The following PLSCR4 variants were observed in gnomAD, a reference collection of about 807,000 sequenced individuals.
PLSCR4 encodes the protein phospholipid scramblase 4, also known as Ca(2+)-dependent phospholipid scramblase 4.
PLSCR4 carries 25 observed loss-of-function variants against 36.3 expected under a neutral mutation model. That is an observed-to-expected ratio of 0.69 (90% CI 0.50 to 0.96). PLSCR4 has a LOEUF of 0.96. Among genes scored for constraint, PLSCR4 ranks in the 40% least tolerant of loss-of-function variants. The pLI is 0.00. For synonymous variants in PLSCR4, 122 were observed against 132.9 expected (o/e 0.92, Z 0.56); for missense variants, 408 against 414.7 (o/e 0.98, Z 0.14).
intron 1 of PLSCR4, among the ~76,000 whole-genome samples, chr3:146,242,473 A>G (rs951797910): frequency 3.3e-5 from 5 of 149,660 alleles, no homozygotes; most frequent in Non-Finnish European, 7.5e-5. Flanking sequence ...TTCTGATTTG[A>G]GCTGAGTTTG....
Position 146,228,879 on chromosome 3 carries a change from T to C in PLSCR4, c.-21-6787A>G, listed in dbSNP as rs2035583548. On this transcript the variant is annotated intron_variant, in intron 1 of 8. Transcript: ENST00000354952. ...AAGTCTTTATGAAATTAAATAAAAA[T>C]ATAAATATTCTTTAAATGTTTAAAT... Among the ~76,000 whole-genome samples, 4 of 152,064 alleles carry C rather than the reference T, an allele frequency of 2.6e-5. No individual in the cohort carries two copies. The South Asian group carries it at 8.3e-4, about 31-fold the overall frequency.
chr3:146,219,429 T>A (rs549414330), intron 3 of PLSCR4, among the ~76,000 whole-genome samples: 1 of 152,184 alleles, frequency 6.6e-6, no homozygotes, highest in Non-Finnish European at 1.5e-5. Context: ...AAAGCATGAT[T>A]ATAATTTAAT....
At chr3:146,219,376 C>G (rs3804650) in intron 3 of PLSCR4, among the ~76,000 whole-genome samples, 49,295 of 151,952 alleles carry the variant, frequency 0.32, 8,667 homozygotes, top group South Asian at 0.45. Flanking sequence ...TCTTGTATAT[C>G]ATGTTGGAAG....
intron 3 of PLSCR4, among the ~76,000 whole-genome samples, chr3:146,209,099 G>A (rs2034489915): frequency 6.6e-6 from 1 of 152,050 alleles, no homozygotes; most frequent in East Asian, 1.9e-4. Flanking sequence ...ATGAATTAAT[G>A]GCATTCACAG....
Position 146,206,507 on chromosome 3 carries a change from T to C in PLSCR4, c.354+19A>G. 1 of 1,534,116 alleles carries C rather than the reference T, an allele frequency of 6.5e-7. No homozygotes were observed. The highest frequency in any genetic ancestry group is 9.0e-7 in the Non-Finnish European group (1 of 1,107,538). The stretch of plus-strand genomic sequence containing the variant: ...TGGTCACATTTCATAAGAAAATAAT[T>C]TGTATTTTCATGGAGTACCTGAACT... On this transcript the variant is annotated intron_variant, in intron 4 of 8. Coordinates refer to ENST00000354952, the MANE Select transcript of PLSCR4 (RefSeq NM_020353.3).
At position 146,193,593 on chromosome 3, in the gene PLSCR4, T is replaced by C. The variant is rs2033532970; in HGVS notation, c.*818A>G. On this transcript the variant is annotated 3_prime_UTR_variant, in exon 9 of 9. Coordinates refer to ENST00000354952, the MANE Select transcript of PLSCR4 (RefSeq NM_020353.3). ...ACCAAGAGACGTTATGAATTAAATGTACAAATGTATTATGTATAAATGTAT... is the reference window on the plus strand; with the variant it reads ...ACCAAGAGACGTTATGAATTAAATGCACAAATGTATTATGTATAAATGTAT... 1 of 152,224 alleles carries C rather than the reference T, an allele frequency of 6.6e-6. No individual in the cohort carries two copies. The highest frequency in any genetic ancestry group is 1.5e-5 in the Non-Finnish European group (1 of 68,034). 9.4% of individuals were successfully genotyped at this position (152,224 alleles called of 1,614,324 possible). A position where few individuals can be genotyped will look rare whatever the true frequency, so the allele number is the denominator to read the frequency against.
In PLSCR4 at chr3:146,214,414, C is replaced by T. The variant is rs1411012139; in HGVS notation, c.118+6401G>A. 3.1e-4 allele frequency among the ~76,000 whole-genome samples: 3 copies of T among 9,532 alleles called. 1 individual carries two copies. The highest frequency in any genetic ancestry group is 9.2e-4 in the Non-Finnish European group (3 of 3,254). 6.3% of individuals were successfully genotyped at this position (9,532 alleles called of 152,430 possible). A position where few individuals can be genotyped will look rare whatever the true frequency, so the allele number is the denominator to read the frequency against. On this transcript the variant is annotated intron_variant, in intron 3 of 8. Transcript: ENST00000354952. ...CTGGGATTACAGGCGTGAGCCACCG[C>T]GCCCGGCCCTCTTCCTTTTTTTTTA...
intron 3 of PLSCR4, 117 bp downstream of exon 3, chr3:146,220,698 A>G (rs1351066147): frequency 1.4e-6 from 1 of 690,512 alleles, no homozygotes; most frequent in Non-Finnish European, 2.6e-6. Flanking sequence ...CCCTATTGGC[A>G]TCCAATATTT....
At chr3:146,204,138 G>A (rs1005810210) in intron 4 of PLSCR4, among the ~76,000 whole-genome samples, 3 of 151,984 alleles carry the variant, frequency 2.0e-5, no homozygotes, top group Admixed American at 6.6e-5. Flanking sequence ...TTAAGGGGTA[G>A]TTCTTTGACA....
Position 146,211,205 on chromosome 3 carries a change from C to G in PLSCR4, c.119-4444G>C, listed in dbSNP as rs1197021920. ...GAGAGTTCTACTTTCTCCACATCCT[C>G]CACCAATACTTGTTATTGTCTGTTT... On this transcript the variant is annotated intron_variant, in intron 3 of 8. Coordinates refer to ENST00000354952, the MANE Select transcript of PLSCR4 (RefSeq NM_020353.3). 2.0e-5 allele frequency among the ~76,000 whole-genome samples: 3 copies of G among 152,052 alleles called. No homozygotes were observed. The East Asian group carries it at 5.8e-4, about 29-fold the overall frequency.
intron 1 of PLSCR4, among the ~76,000 whole-genome samples, chr3:146,243,428 A>C (rs180929230): frequency 6.6e-5 from 10 of 152,336 alleles, no homozygotes; most frequent in Admixed American, 4.6e-4. Flanking sequence ...AACAAAAAGG[A>C]TGAACCAATC....
At chr3:146,198,457 G>C (rs772826916) in intron 6 of PLSCR4, among the ~76,000 whole-genome samples, 1 of 152,080 alleles carries the variant, frequency 6.6e-6, no homozygotes, top group Non-Finnish European at 1.5e-5. Flanking sequence ...CTGGAGTGAA[G>C]TGGTGTAATC....
At chr3:146,230,231 G>A (rs754774939) in intron 1 of PLSCR4, among the ~76,000 whole-genome samples, 9 of 151,926 alleles carry the variant, frequency 5.9e-5, no homozygotes, top group Admixed American at 1.3e-4. Flanking sequence ...TGGTTACAAC[G>A]GTACATACAC....
At chr3:146,200,120 G>T in intron 5 of PLSCR4, 81 bp from the exon 6 acceptor site, 1 of 791,996 alleles carries the variant, frequency 1.3e-6, no homozygotes, top group Non-Finnish European at 2.1e-6. Context: ...TTTCTTAAGG[G>T]CTTAAAGCAA....
At chr3:146,198,087 A>C (rs1435104065) in intron 6 of PLSCR4, among the ~76,000 whole-genome samples, 1 of 152,194 alleles carries the variant, frequency 6.6e-6, no homozygotes, top group Non-Finnish European at 1.5e-5. Context: ...GAAAAGTTAC[A>C]TACTATATGA....
chr3:146,224,895 C>T (rs907034225), intron 1 of PLSCR4, among the ~76,000 whole-genome samples: 24 of 146,604 alleles, frequency 1.6e-4, no homozygotes, highest in African/African-American at 5.8e-4. Flanking sequence ...ACGTCCCCAT[C>T]AGATTAGTTA....
chr3:146,194,467 A>G lies in PLSCR4; in HGVS notation c.946-12T>C. On this transcript the variant is annotated splice_polypyrimidine_tract_variant and intron_variant, in intron 8 of 8. Coordinates refer to ENST00000354952, the MANE Select transcript of PLSCR4 (RefSeq NM_020353.3). Reference sequence around the variant, plus strand: ...AAATACATGAAGTCCTGAAATTGGAAAAAGAATTATATGTAGATATATAGA... The same window carrying G: ...AAATACATGAAGTCCTGAAATTGGAGAAAGAATTATATGTAGATATATAGA... 3.2e-6 allele frequency: 5 copies of G among 1,546,062 alleles called. No homozygotes were observed. The highest frequency in any genetic ancestry group is 4.5e-6 in the Non-Finnish European group (5 of 1,118,208).
At chr3:146,196,094 G>C (rs999622375) in intron 7 of PLSCR4, among the ~76,000 whole-genome samples, 2 of 151,990 alleles carry the variant, frequency 1.3e-5, no homozygotes, top group African/African-American at 4.8e-5. Context: ...GTGAGATAAA[G>C]GCAAAACAAA....
At chr3:146,230,205 A>AAT (rs2035652182) in intron 1 of PLSCR4, among the ~76,000 whole-genome samples, 1 of 152,176 alleles carries the variant, frequency 6.6e-6, no homozygotes, top group Non-Finnish European at 1.5e-5. Context: ...AAATAATAAT[A>AAT]ATAGTAATTG....
Sources: gnomAD v4.1 joint callset for allele counts (sites outside exome capture counted in the v4.1 genomes callset) on GRCh38, gnomAD v4.1.1 for gene constraint, MANE v1.5 for transcripts, NCBI Gene and HGNC (gene_info 2026-07-23, HGNC 2026-07-21) for gene names.